The following PDE4D variants were observed in gnomAD, a reference collection of about 807,000 sequenced individuals.
PDE4D encodes phosphodiesterase 4D.
PDE4D carries 24 observed loss-of-function variants against 87.4 expected under a neutral mutation model. The observed-to-expected ratio is 0.27, with a 90% CI of 0.20 to 0.39. PDE4D has a LOEUF of 0.39. PDE4D is among the 10% of genes least tolerant of loss of function. The probability of loss-of-function intolerance (pLI) is 1.00; values close to 1 mark genes in which losing one functional copy is unlikely to be tolerated. For synonymous variants in PDE4D, 384 were observed against 383.2 expected, an observed-to-expected ratio of 1.00 and a Z score of -0.02; for missense variants, 714 against 1,041.0, an observed-to-expected ratio of 0.69 and a Z score of 4.32.
At chr5:59,108,971 G>A (rs1405749413) in intron 5 of PDE4D, among the ~76,000 whole-genome samples, 3 of 149,654 alleles carry the variant, frequency 2.0e-5, no homozygotes, top group Middle Eastern at 3.5e-3. Flanking sequence ...GTGTGTGTGT[G>A]TGTGTGTGTG....
intron 1 of PDE4D, among the ~76,000 whole-genome samples, chr5:59,573,400 G>T (rs1245513403): frequency 6.6e-6 from 1 of 151,948 alleles, no homozygotes; most frequent in Non-Finnish European, 1.5e-5. Context: ...TATATTAGTG[G>T]TCTTCCCACC....
intron 6 of PDE4D, among the ~76,000 whole-genome samples, chr5:58,994,773 G>A (rs1049725724): frequency 6.6e-6 from 1 of 152,064 alleles, no homozygotes; most frequent in African/African-American, 2.4e-5. Context: ...GCATTTAACT[G>A]TTATCAAAAC....
intron 1 of PDE4D, among the ~76,000 whole-genome samples, chr5:59,242,229 G>C (rs1581562697): frequency 6.6e-6 from 1 of 152,206 alleles, no homozygotes; most frequent in East Asian, 1.9e-4. Flanking sequence ...GAATAAACTA[G>C]GTGAGGGGAA....
intron 3 of PDE4D, among the ~76,000 whole-genome samples, chr5:59,903,415 T>C (rs574581675): frequency 1.3e-4 from 20 of 152,158 alleles, no homozygotes; most frequent in Admixed American, 5.9e-4. Flanking sequence ...ATGTATAAAA[T>C]ATTGCAATAA....
At chr5:59,088,159 A>G (rs557529053) in intron 5 of PDE4D, among the ~76,000 whole-genome samples, 19 of 152,330 alleles carry the variant, frequency 1.2e-4, no homozygotes, top group African/African-American at 3.8e-4. Flanking sequence ...TCATTCACTA[A>G]TAACCACTTA....
intron 1 of PDE4D, among the ~76,000 whole-genome samples, chr5:59,575,010 A>T (rs1006793695): frequency 6.6e-6 from 1 of 152,208 alleles, no homozygotes; most frequent in African/African-American, 2.4e-5. Context: ...TATGTATGCT[A>T]GAATAATGAG....
chr5:60,319,228 A>C (rs1445127759), intron 1 of PDE4D, among the ~76,000 whole-genome samples: 1 of 152,018 alleles, frequency 6.6e-6, no homozygotes, highest in Admixed American at 6.6e-5. Context: ...ACTTCATTTC[A>C]TTCATTTGAT....
intron 1 of PDE4D, among the ~76,000 whole-genome samples, chr5:59,346,654 G>A (rs1779649490): frequency 6.6e-6 from 1 of 151,994 alleles, no homozygotes; most frequent in African/African-American, 2.4e-5. Flanking sequence ...TCATCCAAGG[G>A]GTTGAAAAGC....
At chr5:59,665,022 G>C (rs1246248214) in intron 1 of PDE4D, among the ~76,000 whole-genome samples, 2 of 152,138 alleles carry the variant, frequency 1.3e-5, no homozygotes, top group African/African-American at 4.8e-5. Context: ...TCATTATCAT[G>C]ACCCTCTGCC....
chr5:59,590,356 A>C (rs1825747675), intron 1 of PDE4D, among the ~76,000 whole-genome samples: 1 of 152,200 alleles, frequency 6.6e-6, no homozygotes, highest in African/African-American at 2.4e-5. Context: ...GTTACACTAA[A>C]AGATAATCAT....
intron 2 of PDE4D, chr5:60,030,787 C>T (rs531652029): frequency 2.2e-4 from 33 of 152,288 alleles, no homozygotes; most frequent in Admixed American, 5.2e-4. Flanking sequence ...AATTTAAAAA[C>T]TCACACTACC....
chr5:59,732,172 C>G (rs1228456789), intron 1 of PDE4D, among the ~76,000 whole-genome samples: 2 of 151,960 alleles, frequency 1.3e-5, no homozygotes, highest in East Asian at 3.9e-4. Context: ...TCATATCTAA[C>G]CATTTCCTAT....
intron 1 of PDE4D, among the ~76,000 whole-genome samples, chr5:60,311,829 A>C (rs574111838): frequency 3.9e-5 from 6 of 152,374 alleles, no homozygotes; most frequent in African/African-American, 1.4e-4. Context: ...CCCATCTCAC[A>C]TGCAGTGACA....
intron 2 of PDE4D, among the ~76,000 whole-genome samples, chr5:60,091,396 T>A (rs150127818): frequency 3.3e-5 from 5 of 152,240 alleles, no homozygotes; most frequent in African/African-American, 1.2e-4. Flanking sequence ...TCAACATCAC[T>A]TAATTATCAG....
At chr5:59,558,323 G>T (rs1259755898) in intron 1 of PDE4D, among the ~76,000 whole-genome samples, 1 of 152,072 alleles carries the variant, frequency 6.6e-6, no homozygotes, top group Non-Finnish European at 1.5e-5. Flanking sequence ...TGGGGTTAGG[G>T]ATTAAAACTG....
At chr5:59,739,076 T>C (rs992150699) in intron 1 of PDE4D, among the ~76,000 whole-genome samples, 4 of 152,082 alleles carry the variant, frequency 2.6e-5, no homozygotes, top group African/African-American at 9.7e-5. Context: ...AGCAATGTAA[T>C]AAATTAGATG....
chr5:60,233,179 T>TCACACACACACACACATACACA (rs1746011869), intron 1 of PDE4D, among the ~76,000 whole-genome samples: 3 of 148,194 alleles, frequency 2.0e-5, no homozygotes. Context: ...GAGGTCGTTG[T>TCACACACACACACACATACACA]CACACACACA....
intron 5 of PDE4D, among the ~76,000 whole-genome samples, chr5:59,175,382 C>T (rs1012113641): frequency 6.8e-6 from 1 of 147,648 alleles, no homozygotes; most frequent in African/African-American, 2.5e-5. Flanking sequence ...GCTTTAGGAA[C>T]AAAAAAATGT....
At chr5:58,988,439 C>T (rs1747025436) in intron 11 of PDE4D, 54 bp downstream of exon 11, 2 of 665,198 alleles carry the variant, frequency 3.0e-6, no homozygotes. Context: ...GACCCTTAGT[C>T]ATTCTAAAAT....
Sources: allele counts gnomAD v4.1 joint callset (sites outside exome capture counted in the v4.1 genomes callset), GRCh38; gene constraint gnomAD v4.1.1; transcripts MANE v1.5; gene names NCBI Gene and HGNC (gene_info 2026-07-23, HGNC 2026-07-21).